RAD51B: variants seen among roughly 807,000 people sequenced by gnomAD.
RAD51B encodes the protein DNA repair protein RAD51 homolog 2.
RAD51B carries 38 observed loss-of-function variants against 42.2 expected under a neutral mutation model. That is an observed-to-expected ratio of 0.90 (90% CI 0.70 to 1.18). The LOEUF (loss-of-function observed/expected upper bound fraction) is 1.18, where lower values mean the gene tolerates loss of function less well. Among genes scored for constraint, RAD51B ranks in the 50% most tolerant of loss-of-function variants. The pLI is 0.00. For missense variants in RAD51B, 373 were observed against 400.7 expected (o/e 0.93, Z 0.59); for synonymous variants, 154 against 145.2 (o/e 1.06, Z -0.43).
intron 9 of RAD51B, chr14:68,421,817 G>A (rs8013236): frequency 0.58 from 918,822 of 1,580,950 alleles, 270,633 homozygotes; most frequent in Admixed American, 0.71. Context: ...CAAAGAGCAC[G>A]TGCTTGCCAT....
chr14:68,405,828 C>A (rs1594791525), intron 8 of RAD51B, among the ~76,000 whole-genome samples: 1 of 113,298 alleles, frequency 8.8e-6, no homozygotes, highest in Non-Finnish European at 1.7e-5. Context: ...CAGTTTATCA[C>A]CAAAAAAAAA....
chr14:68,248,573 A>G (rs1241030229), intron 7 of RAD51B, among the ~76,000 whole-genome samples: 1 of 151,910 alleles, frequency 6.6e-6, no homozygotes, highest in Non-Finnish European at 1.5e-5. Flanking sequence ...TACATGTAAC[A>G]CTAGGTGGCA....
intron 7 of RAD51B, among the ~76,000 whole-genome samples, chr14:67,893,497 CACACACACACACAAA>C (rs1199943786): frequency 1.2e-4 from 9 of 77,556 alleles, no homozygotes; most frequent in African/African-American, 5.6e-4. Context: ...CACACACACA[CACACACACACACAAA>C]AAAAAACAAT....
downstream of RAD51B, among the ~76,000 whole-genome samples, chr14:68,482,821 C>T (rs938159434): frequency 3.9e-5 from 6 of 152,202 alleles, no homozygotes; most frequent in African/African-American, 9.7e-5. Context: ...CCAAATAGAT[C>T]TGGGAGGAGA....
chr14:68,028,866 G>T (rs911295231), intron 7 of RAD51B, among the ~76,000 whole-genome samples: 1 of 152,226 alleles, frequency 6.6e-6, no homozygotes, highest in Non-Finnish European at 1.5e-5. Flanking sequence ...TGGGAGATGG[G>T]TGTCTATGGC....
intron 7 of RAD51B, among the ~76,000 whole-genome samples, chr14:68,010,906 T>C (rs17104862): frequency 0.06 from 9,101 of 151,936 alleles, 641 homozygotes; most frequent in African/African-American, 0.17. Context: ...GTTTTCTGTG[T>C]GTTTAGCTGT....
chr14:68,612,557 G>C (rs762530723), downstream of RAD51B, among the ~76,000 whole-genome samples: 2 of 152,184 alleles, frequency 1.3e-5, no homozygotes, highest in Non-Finnish European at 2.9e-5. Context: ...GAGGTACCTA[G>C]AGGAGTCAAA....
intron 10 of RAD51B, among the ~76,000 whole-genome samples, chr14:68,566,154 C>A (rs564937931): frequency 1.3e-5 from 2 of 152,346 alleles, no homozygotes; most frequent in Admixed American, 1.3e-4. Flanking sequence ...ACTAACTTTA[C>A]ATAGCTTTTT....
At chr14:68,519,712 T>C (rs1166021982) in intron 10 of RAD51B, among the ~76,000 whole-genome samples, 1 of 152,208 alleles carries the variant, frequency 6.6e-6, no homozygotes, top group Non-Finnish European at 1.5e-5. Context: ...TTTGCACCAT[T>C]GGTGGGACCA....
intron 8 of RAD51B, among the ~76,000 whole-genome samples, chr14:68,326,836 A>G (rs1342461988): frequency 6.6e-6 from 1 of 152,154 alleles, no homozygotes; most frequent in Non-Finnish European, 1.5e-5. Context: ...GTGCCCCTAG[A>G]TTGAGAAGGT....
chr14:68,282,293 C>A, intron 7 of RAD51B, among the ~76,000 whole-genome samples: 1 of 152,064 alleles, frequency 6.6e-6, no homozygotes, highest in Non-Finnish European at 1.5e-5. Flanking sequence ...TCAGGACATC[C>A]TTTTTAACGG....
intron 7 of RAD51B, among the ~76,000 whole-genome samples, chr14:67,947,883 T>C (rs1483207105): frequency 6.6e-6 from 1 of 152,224 alleles, no homozygotes; most frequent in Non-Finnish European, 1.5e-5. Flanking sequence ...TAAGAAACAC[T>C]TTCTACTCTC....
chr14:67,914,086 G>A (rs1049394295), intron 7 of RAD51B, among the ~76,000 whole-genome samples: 1 of 151,792 alleles, frequency 6.6e-6, no homozygotes, highest in Non-Finnish European at 1.5e-5. Flanking sequence ...ATTTTCAAGC[G>A]ATTCTCTTGC....
chr14:68,374,467 A>T (rs1239939167), intron 8 of RAD51B, among the ~76,000 whole-genome samples: 3 of 152,090 alleles, frequency 2.0e-5, no homozygotes, highest in Non-Finnish European at 4.4e-5. Context: ...TAGGTGATAG[A>T]CTTCCTTTTC....
Position 68,411,458 on chromosome 14 carries a change from A to G in RAD51B, c.888A>G (p.Leu296=), listed in dbSNP as rs1340247275. The change falls in exon 9 of 11, where the codon CTA becomes CTG. Residue 296 remains leucine (L), a synonymous_variant. Coordinates refer to ENST00000471583, the MANE Select transcript of RAD51B (RefSeq NM_133510.4). ...GATCCAGCTGTGTGATAGCCGCACTAGGAAATACCTGGAGTCACAGTGTGA... is the reference window on the plus strand; with the variant it reads ...GATCCAGCTGTGTGATAGCCGCACTGGGAAATACCTGGAGTCACAGTGTGA... ...TSGSSCVIAA[L]GNTWSHSVNT... 3.1e-6 allele frequency: 5 copies of G among 1,614,038 alleles called. No homozygotes were observed. In the South Asian group the frequency reaches 4.4e-5, roughly 14 times the overall value.
intron 7 of RAD51B, among the ~76,000 whole-genome samples, chr14:68,240,944 G>A (rs1254331576): frequency 6.6e-6 from 1 of 152,184 alleles, no homozygotes; most frequent in Admixed American, 6.5e-5. Context: ...AAATTCATGT[G>A]ACAAGTCTGC....
At chr14:68,676,029 A>C (rs2140159540) in intron 11 of RAD51B, among the ~76,000 whole-genome samples, 1 of 152,320 alleles carries the variant, frequency 6.6e-6, no homozygotes, top group South Asian at 2.1e-4. Flanking sequence ...ATGAATAATA[A>C]TACCTACTAT....
intron 8 of RAD51B, among the ~76,000 whole-genome samples, chr14:68,347,905 AAG>A (rs1566824314): frequency 6.6e-6 from 1 of 152,212 alleles, no homozygotes; most frequent in East Asian, 1.9e-4. Context: ...GCACACTAAA[AAG>A]AGAGTAGATA....
At chr14:67,894,031 T>C (rs151334869) in intron 7 of RAD51B, among the ~76,000 whole-genome samples, 1 of 152,312 alleles carries the variant, frequency 6.6e-6, no homozygotes, top group East Asian at 1.9e-4. Flanking sequence ...AGCTCCACTA[T>C]TTGCTAATTT....
Sources: gnomAD v4.1 joint callset for allele counts (sites outside exome capture counted in the v4.1 genomes callset) on GRCh38, gnomAD v4.1.1 for gene constraint, MANE v1.5 for transcripts, NCBI Gene and HGNC (gene_info 2026-07-23, HGNC 2026-07-21) for gene names.